Variants in DNM3 observed in about 807,000 individuals in gnomAD.
DNM3 encodes dynamin-3.
A neutral mutation model predicts 101.6 loss-of-function variants in DNM3; 47 were observed. That is an observed-to-expected ratio of 0.46 (90% CI 0.37 to 0.59). DNM3 has a LOEUF of 0.59. Among genes scored for constraint, DNM3 ranks in the 20% least tolerant of loss-of-function variants. The pLI is 0.00. For synonymous variants in DNM3, 385 were observed against 387.9 expected (o/e 0.99, Z 0.09); for missense variants, 849 against 1,085.7 (o/e 0.78, Z 3.06).
At chr1:172,361,862 C>T (rs914855382) in intron 17 of DNM3, among the ~76,000 whole-genome samples, 6 of 152,072 alleles carry the variant, frequency 3.9e-5, no homozygotes, top group Middle Eastern at 3.4e-3. Context: ...CAACCGTGAA[C>T]GCTTAGTAAA....
chr1:171,988,022 A>C (rs966874816), intron 3 of DNM3, among the ~76,000 whole-genome samples: 2 of 152,190 alleles, frequency 1.3e-5, no homozygotes, highest in African/African-American at 2.4e-5. Flanking sequence ...TTAGTCATCA[A>C]ATTTTTTCTT....
At chr1:172,415,934 A>G (rs2071413240), downstream of DNM3, among the ~76,000 whole-genome samples, 2 of 152,334 alleles carry the variant, frequency 1.3e-5, no homozygotes, top group Admixed American at 1.3e-4. Flanking sequence ...GCGTTGACAT[A>G]GAGCCAAAAG....
chr1:172,353,132 C>T (rs1312959743), intron 17 of DNM3, among the ~76,000 whole-genome samples: 1 of 152,128 alleles, frequency 6.6e-6, no homozygotes. Flanking sequence ...ATCCTCTGCC[C>T]TGTTTCTGCA....
At chr1:172,033,821 C>T (rs2048778509) in intron 6 of DNM3, among the ~76,000 whole-genome samples, 2 of 152,084 alleles carry the variant, frequency 1.3e-5, no homozygotes, top group Admixed American at 1.3e-4. Flanking sequence ...TCTGCCTACC[C>T]CGCTCCATGC....
intron 2 of DNM3, among the ~76,000 whole-genome samples, chr1:171,936,353 A>AATG (rs1160790192): frequency 8.2e-6 from 1 of 122,424 alleles, no homozygotes; most frequent in Non-Finnish European, 1.7e-5. Flanking sequence ...TCTGTCTCAA[A>AATG]AAAAGAAAAG....
intron 14 of DNM3, among the ~76,000 whole-genome samples, chr1:172,247,968 G>A (rs907264602): frequency 6.6e-6 from 1 of 152,132 alleles, no homozygotes; most frequent in Admixed American, 6.6e-5. Context: ...ACAGGTGTGA[G>A]CCACCATACC....
intron 1 of DNM3, among the ~76,000 whole-genome samples, chr1:171,899,191 T>C (rs2038087331): frequency 6.6e-6 from 1 of 152,202 alleles, no homozygotes; most frequent in Admixed American, 6.5e-5. Flanking sequence ...TGCTGGTGTG[T>C]TTTCCCCGCT....
intron 2 of DNM3, among the ~76,000 whole-genome samples, chr1:171,936,568 G>C (rs2041437875): frequency 6.6e-6 from 1 of 151,880 alleles, no homozygotes; most frequent in Non-Finnish European, 1.5e-5. Context: ...ATAAGTTAAG[G>C]GTAACTTTAA....
intron 13 of DNM3, among the ~76,000 whole-genome samples, chr1:172,113,727 C>T (rs1045659715): frequency 2.0e-5 from 3 of 151,412 alleles, no homozygotes; most frequent in Non-Finnish European, 4.4e-5. Flanking sequence ...GTGCCCAAAG[C>T]GTTTACACAA....
intron 16 of DNM3, among the ~76,000 whole-genome samples, chr1:172,319,317 C>T (rs1557988999): frequency 6.6e-6 from 1 of 152,020 alleles, no homozygotes; most frequent in African/African-American, 2.4e-5. Flanking sequence ...CCATTCAGGA[C>T]ATAGGCATGG....
At chr1:171,922,599 C>G (rs2040264263) in intron 2 of DNM3, among the ~76,000 whole-genome samples, 1 of 152,180 alleles carries the variant, frequency 6.6e-6, no homozygotes, top group Non-Finnish European at 1.5e-5. Flanking sequence ...AGATTTTAGT[C>G]TTTTCACAGA....
chr1:172,056,481 C>A (rs186343417), intron 10 of DNM3, among the ~76,000 whole-genome samples: 1 of 152,102 alleles, frequency 6.6e-6, no homozygotes, highest in Non-Finnish European at 1.5e-5. Context: ...TCTTCCAGTA[C>A]GCAGCTGGAG....
intron 20 of DNM3, among the ~76,000 whole-genome samples, chr1:172,399,151 A>G (rs1036626517): frequency 1.3e-5 from 2 of 152,142 alleles, no homozygotes; most frequent in African/African-American, 4.8e-5. Context: ...GACTCTTTAC[A>G]TGGCCCAGGG....
intron 17 of DNM3, among the ~76,000 whole-genome samples, chr1:172,340,709 C>G (rs918114197): frequency 6.6e-6 from 1 of 152,206 alleles, no homozygotes; most frequent in African/African-American, 2.4e-5. Flanking sequence ...ATGGTGTTTT[C>G]TAGATAGACT....
At chr1:172,166,408 G>C (rs2058746654) in intron 14 of DNM3, among the ~76,000 whole-genome samples, 1 of 151,898 alleles carries the variant, frequency 6.6e-6, no homozygotes, top group Non-Finnish European at 1.5e-5. Flanking sequence ...TTTTATATAT[G>C]CTGTAATATG....
rs184676161 is a variant in DNM3 at position 172,106,979 on chromosome 1, G to C, written c.1545+14104G>C. 7.3e-3 allele frequency among the ~76,000 whole-genome samples: 1,064 copies of C among 146,756 alleles called. 14 individuals carry two copies. Among genetic ancestry groups the C allele is most frequent in the African/African-American group, 0.025 (1,006 of 39,946 alleles). ...GGGTTCACGCCATTCTCCTGCCTCA[G>C]CCTCCCGAGTAGCTGGGACTACAGG... On this transcript the variant is annotated intron_variant, in intron 13 of 20. Coordinates refer to ENST00000627582, the MANE Select transcript of DNM3 (RefSeq NM_015569.5).
intron 1 of DNM3, among the ~76,000 whole-genome samples, chr1:171,873,284 G>C (rs2035464773): frequency 6.6e-6 from 1 of 152,052 alleles, no homozygotes; most frequent in African/African-American, 2.4e-5. Context: ...ACCTGTAGTA[G>C]GTGGTCCATA....
chr1:172,145,705 C>T (rs962489764), intron 14 of DNM3, among the ~76,000 whole-genome samples: 1 of 152,176 alleles, frequency 6.6e-6, no homozygotes, highest in African/African-American at 2.4e-5. Context: ...CGACTCAGGT[C>T]TTCTAACAAA....
chr1:172,315,784 G>T (rs532181193), intron 16 of DNM3, among the ~76,000 whole-genome samples: 1 of 152,190 alleles, frequency 6.6e-6, no homozygotes, highest in Non-Finnish European at 1.5e-5. Context: ...ACAGTGACGG[G>T]GAGAATGGAA....
Sources: gnomAD v4.1 joint callset for allele counts (sites outside exome capture counted in the v4.1 genomes callset) on GRCh38, gnomAD v4.1.1 for gene constraint, MANE v1.5 for transcripts, NCBI Gene and HGNC (gene_info 2026-07-23, HGNC 2026-07-21) for gene names.